The following DGKG variants were observed in gnomAD, a reference collection of about 807,000 sequenced individuals.
DGKG encodes the protein diacylglycerol kinase gamma.
Under a neutral mutation model 105.3 loss-of-function variants are expected in DGKG, and 78 were observed. That is an observed-to-expected ratio of 0.74 (90% confidence interval 0.62 to 0.89). DGKG has a LOEUF of 0.89. Ranked by LOEUF, DGKG falls within the 40% of genes least tolerant of loss-of-function variation. The pLI is 0.00. For missense variants in DGKG, 958 were observed against 1,020.1 expected (o/e 0.94, Z 0.83); for synonymous variants, 346 against 367.1 (o/e 0.94, Z 0.66).
At chr3:186,263,126 C>T (rs965005712) in intron 14 of DGKG, among the ~76,000 whole-genome samples, 2 of 114,316 alleles carry the variant, frequency 1.7e-5, no homozygotes, top group South Asian at 3.0e-4. Flanking sequence ...GACTCCGTCT[C>T]GGAAAAGAAA....
At chr3:186,338,124 C>T (rs996586510) in intron 1 of DGKG, among the ~76,000 whole-genome samples, 22 of 142,978 alleles carry the variant, frequency 1.5e-4, no homozygotes, top group East Asian at 4.1e-4. Flanking sequence ...GAGCCAAGAA[C>T]GAGCCACTGC....
At chr3:186,346,602 C>T (rs1726341498) in intron 1 of DGKG, among the ~76,000 whole-genome samples, 1 of 151,608 alleles carries the variant, frequency 6.6e-6, no homozygotes, top group African/African-American at 2.4e-5. Flanking sequence ...TGGATGTACA[C>T]AGGTCTTAGA....
intron 22 of DGKG, among the ~76,000 whole-genome samples, chr3:186,166,627 ATGTGTGTG>A (rs5855082): frequency 0.01 from 1,524 of 149,910 alleles, 31 homozygotes; most frequent in African/African-American, 0.035. Flanking sequence ...TGGGCTATAA[ATGTGTGTG>A]TGTGTGTGTG....
At chr3:186,319,069 C>T (rs1192172525) in intron 2 of DGKG, among the ~76,000 whole-genome samples, 2 of 152,170 alleles carry the variant, frequency 1.3e-5, no homozygotes. Context: ...GCTTTGCTGA[C>T]CTACAGAGCT....
At chr3:186,337,433 C>G (rs183813535) in intron 1 of DGKG, among the ~76,000 whole-genome samples, 2 of 151,922 alleles carry the variant, frequency 1.3e-5, no homozygotes, top group Non-Finnish European at 2.9e-5. Flanking sequence ...ACAAACAAAA[C>G]CTTTAAGCAC....
At chr3:186,347,878 C>G (rs904610036) in intron 1 of DGKG, among the ~76,000 whole-genome samples, 3 of 152,170 alleles carry the variant, frequency 2.0e-5, no homozygotes, top group Non-Finnish European at 4.4e-5. Flanking sequence ...CCTCCGCACC[C>G]AGCCCTTTTT....
intron 3 of DGKG, among the ~76,000 whole-genome samples, chr3:186,299,805 C>CCTTCTTTG (rs1723798619): frequency 1.0e-5 from 1 of 95,590 alleles, no homozygotes; most frequent in African/African-American, 4.1e-5. Flanking sequence ...TTCTTTCTTT[C>CCTTCTTTG]TTTCTTTCTT....
rs34252507 is a variant in DGKG, at chr3:186,328,575, CT to C, written c.-248-7869del. Among the ~76,000 whole-genome samples the C allele has an allele frequency of 4.2e-3, 599 of 141,066 alleles. 3 individuals carry two copies. Among genetic ancestry groups the C allele is most frequent in the South Asian group, 0.026 (116 of 4,434 alleles). The allele number at this position is 141,066 out of a possible 152,430, so 92.5% of individuals were successfully genotyped here. A position where few individuals can be genotyped will look rare whatever the true frequency, so the allele number is the denominator to read the frequency against. ...TCACAGTGGAAAAGGCTACACCATT[CT>C]TTTTTTTTTTTTTTCTTGAGATGGA... On this transcript the variant is annotated intron_variant, in intron 1 of 24. Coordinates refer to ENST00000265022, the MANE Select transcript of DGKG (RefSeq NM_001346.3).
At chr3:186,232,515 T>C (rs753803266) in intron 20 of DGKG, among the ~76,000 whole-genome samples, 8 of 152,202 alleles carry the variant, frequency 5.3e-5, no homozygotes, top group Non-Finnish European at 1.2e-4. Flanking sequence ...TTATCACAAA[T>C]ATTTTAAGGT....
intron 20 of DGKG, among the ~76,000 whole-genome samples, chr3:186,229,468 C>T (rs1051806556): frequency 1.3e-5 from 2 of 152,154 alleles, no homozygotes; most frequent in South Asian, 2.1e-4. Context: ...TGGTCTTGAA[C>T]ACCTGACCTC....
In DGKG at chr3:186,261,734, C is replaced by G; in HGVS notation, c.1314G>C (p.Leu438Phe). 6.4e-7 allele frequency: 1 copy of G among 1,562,548 alleles called. No individual in the cohort carries two copies. Among genetic ancestry groups the G allele is most frequent in the Non-Finnish European group, 8.7e-7 (1 of 1,144,374 alleles). ...PTPGTHPLLV[L>F]VNPKSGGRQG... ...GTCTCCCTCCACTCTTGGGGTTCAC[C>G]AAGACCAGCAGGGGGTGGGTACCCG... The change falls in exon 15 of 25, where the codon TTG becomes TTC. Residue 438 changes from leucine to phenylalanine, a missense_variant. By Grantham distance (22) the Leu-to-Phe change is conservative. Around this residue, in one of 2 missense-constraint regions of DGKG, gnomAD observed 643 missense variants for 619.5 expected, o/e 1.04. Coordinates refer to ENST00000265022, the MANE Select transcript of DGKG (RefSeq NM_001346.3).
chr3:186,206,725 G>C (rs899214781), intron 21 of DGKG, among the ~76,000 whole-genome samples: 10 of 152,120 alleles, frequency 6.6e-5, no homozygotes, highest in African/African-American at 2.4e-4. Context: ...GAGGGTGGGG[G>C]TGTGGGGACA....
Position 186,147,782 on chromosome 3 carries a change from T to A in DGKG, c.*2308A>T. On this transcript the variant is annotated 3_prime_UTR_variant, in exon 25 of 25. Coordinates refer to ENST00000265022, the MANE Select transcript of DGKG (RefSeq NM_001346.3). Reference sequence around the variant, plus strand: ...ACACATGCACGAACTTCTGTAAATGTCTTAGAATCAGTGACCCCAAACCTG... The same window carrying A: ...ACACATGCACGAACTTCTGTAAATGACTTAGAATCAGTGACCCCAAACCTG... 1 of 985,400 alleles carries A rather than the reference T, an allele frequency of 1.0e-6. No homozygotes were observed. The highest frequency in any genetic ancestry group is 4.7e-5 in the South Asian group (1 of 21,282). The allele number at this position is 985,400 out of a possible 1,614,324, so 61.0% of individuals were successfully genotyped here. A position where few individuals can be genotyped will look rare whatever the true frequency, so the allele number is the denominator to read the frequency against.
At chr3:186,153,405 C>T (rs888829867) in intron 24 of DGKG, among the ~76,000 whole-genome samples, 4 of 152,084 alleles carry the variant, frequency 2.6e-5, no homozygotes, top group Admixed American at 6.5e-5. Flanking sequence ...GGTAATTGGG[C>T]GAGTCAGGCC....
chr3:186,295,994 A>G (rs900911439), intron 5 of DGKG, among the ~76,000 whole-genome samples: 5 of 152,114 alleles, frequency 3.3e-5, no homozygotes, highest in African/African-American at 1.2e-4. Flanking sequence ...TTGTAATCCC[A>G]GCTACTCAGG....
chr3:186,198,400 G>A (rs1351625048), intron 21 of DGKG, among the ~76,000 whole-genome samples: 2 of 152,210 alleles, frequency 1.3e-5, no homozygotes, highest in South Asian at 2.1e-4. Flanking sequence ...GAGACATTAA[G>A]AGGCAGAAGA....
chr3:186,286,662 T>G (rs1723083976), intron 6 of DGKG, among the ~76,000 whole-genome samples: 1 of 152,126 alleles, frequency 6.6e-6, no homozygotes. Context: ...GTCCTTAAAG[T>G]TAAGGAAGGA....
chr3:186,336,026 T>A (rs1266847869), intron 1 of DGKG, among the ~76,000 whole-genome samples: 2 of 152,200 alleles, frequency 1.3e-5, no homozygotes, highest in African/African-American at 4.8e-5. Flanking sequence ...CACCTGTCAA[T>A]TCTTTTCAGG....
chr3:186,152,600 T>C (rs899807507), intron 24 of DGKG, among the ~76,000 whole-genome samples: 2 of 152,200 alleles, frequency 1.3e-5, no homozygotes, highest in African/African-American at 4.8e-5. Flanking sequence ...GCAGTGGAGA[T>C]GGCTCTGTTG....
Sources: allele counts gnomAD v4.1 joint callset (sites outside exome capture counted in the v4.1 genomes callset), GRCh38; gene constraint gnomAD v4.1.1; regional missense constraint gnomAD v4.1.1; transcripts MANE v1.5; gene names NCBI Gene and HGNC (gene_info 2026-07-23, HGNC 2026-07-21).